The following CYB5R4 variants were observed in gnomAD, a reference collection of about 807,000 sequenced individuals.
CYB5R4 encodes the protein N-terminal cytochrome b5 and cytochrome b5 oxidoreductase domain-containing protein.
A neutral mutation model predicts 70.2 loss-of-function variants in CYB5R4; 55 were observed. The ratio of observed to expected loss-of-function variants is 0.78; its 90% confidence interval spans 0.63 to 0.98. The LOEUF (loss-of-function observed/expected upper bound fraction) is 0.98, where lower values mean the gene tolerates loss of function less well. Among genes scored for constraint, CYB5R4 ranks in the 50% least tolerant of loss-of-function variants. The pLI, the probability that CYB5R4 is intolerant of heterozygous loss-of-function variation, is 0.00. For missense variants in CYB5R4, 562 were observed against 612.6 expected, an observed-to-expected ratio of 0.92 and a Z score of 0.87; for synonymous variants, 197 against 199.5, an observed-to-expected ratio of 0.99 and a Z score of 0.11.
chr6:83,939,084 C>T (rs1187892446), intron 12 of CYB5R4, among the ~76,000 whole-genome samples: 2 of 152,180 alleles, frequency 1.3e-5, no homozygotes, highest in Non-Finnish European at 2.9e-5. Flanking sequence ...GATCCACCTG[C>T]CTTGGCCTCC....
intron 11 of CYB5R4, among the ~76,000 whole-genome samples, chr6:83,935,557 A>G (rs1317411109): frequency 6.6e-6 from 1 of 152,146 alleles, no homozygotes; most frequent in Non-Finnish European, 1.5e-5. Context: ...AGCCATGCGT[A>G]AAATTTTTGG....
intron 7 of CYB5R4, among the ~76,000 whole-genome samples, chr6:83,920,488 CAG>C (rs1197288700): frequency 6.6e-6 from 1 of 151,894 alleles, no homozygotes; most frequent in Non-Finnish European, 1.5e-5. Flanking sequence ...CAATGGAACA[CAG>C]AGGATGGATG....
chr6:83,859,986 T>A, intron 1 of CYB5R4, 129 bp downstream of exon 1: 1 of 839,678 alleles, frequency 1.2e-6, no homozygotes, highest in Non-Finnish European at 1.8e-6. Flanking sequence ...TGTCCTTGCC[T>A]GCAACCTCTT....
At position 83,965,897 on chromosome 6, in the gene CYB5R4, A is replaced by G. The variant is rs1181250401; in HGVS notation, c.*6019A>G. 6.6e-6 allele frequency: 1 copy of G among 152,338 alleles called. No individual in the cohort carries two copies. The highest frequency in any genetic ancestry group is 2.4e-5 in the African/African-American group (1 of 41,440). The allele number at this position is 152,338 out of a possible 1,614,324, so 9.4% of individuals were successfully genotyped here. A position where few individuals can be genotyped will look rare whatever the true frequency, so the allele number is the denominator to read the frequency against. On this transcript the variant is annotated 3_prime_UTR_variant, in exon 16 of 16. Coordinates refer to ENST00000369681, the MANE Select transcript of CYB5R4 (RefSeq NM_016230.4). ...TTTCATCAGGGGGTTCCGCTTTTGC[A>G]TCTTACTCATTTCTCTTGCTGCCAC... is the stretch of plus-strand genomic sequence containing the variant.
At chr6:83,953,267 C>A (rs1325625585) in intron 14 of CYB5R4, among the ~76,000 whole-genome samples, 1 of 151,852 alleles carries the variant, frequency 6.6e-6, no homozygotes, top group African/African-American at 2.4e-5. Context: ...TGATAGTTAG[C>A]CTGCTTTCAT....
intron 7 of CYB5R4, 66 bp from the exon 8 acceptor site, chr6:83,921,016 T>C: frequency 8.2e-7 from 1 of 1,216,664 alleles, no homozygotes; most frequent in Non-Finnish European, 1.1e-6. Flanking sequence ...ACCTTAAAAG[T>C]ATAGTTGTAG....
At chr6:83,937,144 GGGC>G (rs1470251371) in intron 12 of CYB5R4, among the ~76,000 whole-genome samples, 1 of 151,916 alleles carries the variant, frequency 6.6e-6, no homozygotes, top group African/African-American at 2.4e-5. Flanking sequence ...GTATGATGGC[GGGC>G]GCCTGTAATC....
intron 14 of CYB5R4, among the ~76,000 whole-genome samples, chr6:83,955,049 T>A (rs2099472127): frequency 6.6e-6 from 1 of 151,992 alleles, no homozygotes; most frequent in Non-Finnish European, 1.5e-5. Flanking sequence ...CTTGGATAAT[T>A]AGTTCAATTT....
chr6:83,889,246 G>A (rs1446155713), intron 2 of CYB5R4, among the ~76,000 whole-genome samples: 2 of 152,194 alleles, frequency 1.3e-5, no homozygotes. Context: ...CATTTTCCAT[G>A]TAGATTAAAT....
intron 14 of CYB5R4, among the ~76,000 whole-genome samples, chr6:83,945,414 C>G (rs2099470419): frequency 6.6e-6 from 1 of 152,062 alleles, no homozygotes. Flanking sequence ...TGGGACACAG[C>G]TAAAGCAGTG....
chr6:83,884,434 G>T (rs573771988), intron 2 of CYB5R4, among the ~76,000 whole-genome samples: 2 of 152,096 alleles, frequency 1.3e-5, no homozygotes, highest in East Asian at 3.9e-4. Context: ...CTTACCAGAG[G>T]TATAGACATT....
chr6:83,941,539 G>A (rs2099469766), intron 14 of CYB5R4, among the ~76,000 whole-genome samples: 1 of 152,132 alleles, frequency 6.6e-6, no homozygotes, highest in Non-Finnish European at 1.5e-5. Context: ...AACTTTGTTA[G>A]CTGTCCAGGG....
intron 2 of CYB5R4, among the ~76,000 whole-genome samples, chr6:83,875,866 T>C (rs1028963387): frequency 6.6e-6 from 1 of 152,220 alleles, no homozygotes; most frequent in Non-Finnish European, 1.5e-5. Flanking sequence ...TGGGTCTGTT[T>C]AGTGGATACT....
At position 83,940,060 on chromosome 6, in the gene CYB5R4, T is replaced by TTTTGTTTC. The variant is rs777151400; in HGVS notation, c.1115_1122dup (p.Val375LeufsTer4). The TTTTGTTTC allele has an allele frequency of 6.3e-7, 1 of 1,578,454 alleles. No homozygotes were observed. The highest frequency in any genetic ancestry group is 1.2e-5 in the South Asian group (1 of 85,628). Reference sequence around the variant, plus strand: ...AGCTTATGTTTCATTGTTTAGGAGATTTTGTTTCTGTAAGCAGTCCTGAGG... The same window carrying TTTTGTTTC: ...AGCTTATGTTTCATTGTTTAGGAGATTTTGTTTCTTTGTTTCTGTAAGCAGTCCTGAGG... On this transcript the variant is annotated frameshift_variant, in exon 13 of 16. Transcript: ENST00000369681. LOFTEE classifies it high-confidence loss of function.
chr6:83,876,884 A>G (rs976492535), intron 2 of CYB5R4, among the ~76,000 whole-genome samples: 1 of 151,996 alleles, frequency 6.6e-6, no homozygotes, highest in South Asian at 2.1e-4. Flanking sequence ...ACCAGGCTGG[A>G]GTGCAGTGGC....
chr6:83,955,478 G>A lies in CYB5R4; in HGVS notation c.1511+16G>A, dbSNP rs1217010309. 4 of 1,606,804 alleles carry A rather than the reference G, an allele frequency of 2.5e-6. No individual in the cohort carries two copies. The African/African-American group carries it at 4.0e-5, about 16-fold the overall frequency. On this transcript the variant is annotated intron_variant, in intron 15 of 15. Transcript: ENST00000369681. ...AAGGAGTAAGGTGAGTAACAGTGTA[G>A]TAGGAAACAGACTGCCCAACACTGA...
chr6:83,920,947 G>A (rs1332083711), intron 7 of CYB5R4, 135 bp from the exon 8 acceptor site: 2 of 586,276 alleles, frequency 3.4e-6, no homozygotes. Flanking sequence ...AAAAACAGAA[G>A]TCACATTTGT....
intron 4 of CYB5R4, among the ~76,000 whole-genome samples, chr6:83,914,167 G>A (rs544190472): frequency 2.0e-5 from 3 of 152,156 alleles, no homozygotes; most frequent in African/African-American, 7.2e-5. Flanking sequence ...AGTGACCAAA[G>A]AATTAGAAAA....
intron 10 of CYB5R4, among the ~76,000 whole-genome samples, chr6:83,928,487 T>G (rs2099467663): frequency 6.6e-6 from 1 of 151,784 alleles, no homozygotes; most frequent in African/African-American, 2.4e-5. Context: ...CAAAGTGAGG[T>G]CCATGGCTTT....
Sources: allele counts gnomAD v4.1 joint callset (sites outside exome capture counted in the v4.1 genomes callset), GRCh38; gene constraint gnomAD v4.1.1; transcripts MANE v1.5; gene names NCBI Gene and HGNC (gene_info 2026-07-23, HGNC 2026-07-21).